Variants in PCDH15 observed in about 807,000 individuals in gnomAD.
The protein encoded by PCDH15 is protocadherin related 15, also known as protocadherin-15.
Under a neutral mutation model 178.5 loss-of-function variants are expected in PCDH15, and 129 were observed. That is an observed-to-expected ratio of 0.72 (90% CI 0.63 to 0.84). The LOEUF (loss-of-function observed/expected upper bound fraction) is 0.84, where lower values mean the gene tolerates loss of function less well. Among genes scored for constraint, PCDH15 ranks in the 40% least tolerant of loss-of-function variants. The pLI is 0.00. For missense variants in PCDH15, 2,230 were observed against 2,099.9 expected, an observed-to-expected ratio of 1.06 and a Z score of -1.21; for synonymous variants, 800 against 732.0, an observed-to-expected ratio of 1.09 and a Z score of -1.50.
At chr10:54,191,797 T>G (rs1304006425) in intron 11 of PCDH15, among the ~76,000 whole-genome samples, 2 of 148,956 alleles carry the variant, frequency 1.3e-5, no homozygotes. Context: ...GGTACAAGCC[T>G]GTAATCCCAG....
At chr10:54,884,999 T>C (rs1050868070) in intron 3 of PCDH15, among the ~76,000 whole-genome samples, 5 of 152,138 alleles carry the variant, frequency 3.3e-5, no homozygotes, top group Non-Finnish European at 5.9e-5. Context: ...TTAATAATTA[T>C]ACATATAACA....
At chr10:53,988,384 C>T (rs1183766827) in intron 21 of PCDH15, among the ~76,000 whole-genome samples, 1 of 152,140 alleles carries the variant, frequency 6.6e-6, no homozygotes, top group African/African-American at 2.4e-5. Context: ...CAATTTTTCT[C>T]ATTCTATAGA....
intron 2 of PCDH15, among the ~76,000 whole-genome samples, chr10:55,358,992 G>A (rs1845150302): frequency 6.6e-6 from 1 of 152,026 alleles, no homozygotes; most frequent in Admixed American, 6.6e-5. Context: ...AGGACTTCAA[G>A]ACCAGCCTGA....
chr10:54,160,451 C>G (rs2045592685), intron 13 of PCDH15, among the ~76,000 whole-genome samples: 1 of 152,056 alleles, frequency 6.6e-6, no homozygotes, highest in Non-Finnish European at 1.5e-5. Context: ...AAGGTGAAAG[C>G]TACACTATGA....
At chr10:54,047,688 C>T (rs1445701779) in intron 18 of PCDH15, among the ~76,000 whole-genome samples, 1 of 152,002 alleles carries the variant, frequency 6.6e-6, no homozygotes, top group Non-Finnish European at 1.5e-5. Flanking sequence ...TCTGTCCCTG[C>T]ATTAATGTAC....
chr10:55,398,012 C>A (rs376201873), intron 2 of PCDH15, among the ~76,000 whole-genome samples: 10 of 152,112 alleles, frequency 6.6e-5, no homozygotes, highest in African/African-American at 2.2e-4. Context: ...TCTAATGCTC[C>A]CATTTGTAAA....
chr10:54,587,825 T>A lies in PCDH15; in HGVS notation c.92-59948A>T, dbSNP rs111786050. Among the ~76,000 whole-genome samples, 401 of 152,186 alleles carry A rather than the reference T, an allele frequency of 2.6e-3. 3 individuals carry two copies. The highest frequency in any genetic ancestry group is 0.013 in the Admixed American group (201 of 15,262). Reference sequence around the variant, plus strand: ...TATAGCAAACAAATGAAAATAATGATGCAAAAAATAATAATGTAAGATATG... The same window carrying A: ...TATAGCAAACAAATGAAAATAATGAAGCAAAAAATAATAATGTAAGATATG... On this transcript the variant is annotated intron_variant, in intron 2 of 37. Coordinates refer to ENST00000644397, the MANE Select transcript of PCDH15 (RefSeq NM_001384140.1).
At chr10:54,743,124 T>G (rs571323892) in intron 1 of PCDH15, among the ~76,000 whole-genome samples, 200 of 152,116 alleles carry the variant, frequency 1.3e-3, no homozygotes, top group African/African-American at 4.7e-3. Context: ...TGGATCCAGA[T>G]GATAAATGGA....
At chr10:54,062,234 AAAAAAAAAAAAAAAAAAAC>A (rs2094034757) in intron 18 of PCDH15, among the ~76,000 whole-genome samples, 1 of 92,014 alleles carries the variant, frequency 1.1e-5, no homozygotes, top group African/African-American at 3.1e-5. Flanking sequence ...TCTCAAAAAA[AAAAAAAAAAAAAAAAAAAC>A]AAAAAACAAC....
intron 13 of PCDH15, among the ~76,000 whole-genome samples, chr10:54,173,296 T>A (rs2047094719): frequency 6.6e-6 from 1 of 152,206 alleles, no homozygotes; most frequent in Non-Finnish European, 1.5e-5. Context: ...TCTTTATTTC[T>A]TATGATTTGG....
At chr10:54,470,653 C>A (rs1401405543) in intron 3 of PCDH15, among the ~76,000 whole-genome samples, 7 of 152,258 alleles carry the variant, frequency 4.6e-5, no homozygotes, top group Admixed American at 6.5e-5. Context: ...TTTCAGGAAT[C>A]TGCTGTGGAA....
chr10:55,353,485 G>T (rs1588946861), intron 2 of PCDH15, among the ~76,000 whole-genome samples: 1 of 151,972 alleles, frequency 6.6e-6, no homozygotes, highest in Non-Finnish European at 1.5e-5. Context: ...AAATTTGAGA[G>T]AAATTTTACA....
chr10:55,218,359 T>G (rs1244603999), intron 1 of PCDH15, among the ~76,000 whole-genome samples: 1 of 151,782 alleles, frequency 6.6e-6, no homozygotes, highest in Non-Finnish European at 1.5e-5. Flanking sequence ...AGGAAGCAGA[T>G]GAAAATAATA....
rs867444134 is a variant in PCDH15 at position 53,804,888 on chromosome 10, T to G, written c.*1691A>C. 24 of 152,074 alleles carry G rather than the reference T, an allele frequency of 1.6e-4. No homozygotes were observed. The highest frequency in any genetic ancestry group is 8.3e-4 in the South Asian group (4 of 4,824). 9.4% of individuals were successfully genotyped at this position (152,074 alleles called of 1,614,324 possible). On this transcript the variant is annotated 3_prime_UTR_variant, in exon 38 of 38. Coordinates refer to ENST00000644397, the MANE Select transcript of PCDH15 (RefSeq NM_001384140.1). ...GGCAGGCCAGGAGGTGTGGTCATGA[T>G]TCTACGTTTCTAATCTAGCTAATGC...
At chr10:55,443,667 C>G (rs1312410381) in intron 2 of PCDH15, among the ~76,000 whole-genome samples, 1 of 152,024 alleles carries the variant, frequency 6.6e-6, no homozygotes, top group Non-Finnish European at 1.5e-5. Flanking sequence ...GAAATAGGAA[C>G]CATTTTACAC....
chr10:54,578,688 A>T (rs1015643082), intron 2 of PCDH15, among the ~76,000 whole-genome samples: 1 of 152,098 alleles, frequency 6.6e-6, no homozygotes, highest in Non-Finnish European at 1.5e-5. Context: ...ATAAGAACTT[A>T]ATCTCACCCA....
chr10:53,824,715 T>C (rs1264560978), intron 32 of PCDH15, among the ~76,000 whole-genome samples: 1 of 152,150 alleles, frequency 6.6e-6, no homozygotes, highest in East Asian at 1.9e-4. Flanking sequence ...ATATACTGGT[T>C]GTTTTTGTAA....
chr10:55,000,735 A>T (rs956517296), intron 2 of PCDH15, among the ~76,000 whole-genome samples: 1 of 152,226 alleles, frequency 6.6e-6, no homozygotes, highest in African/African-American at 2.4e-5. Context: ...ATAAATGTCC[A>T]TGAAATCTTC....
chr10:53,913,459 C>T (rs1033026979), intron 25 of PCDH15, among the ~76,000 whole-genome samples: 47 of 151,910 alleles, frequency 3.1e-4, no homozygotes, highest in Middle Eastern at 3.4e-3. Flanking sequence ...TCTAGCCGGG[C>T]GCGGTGGCTC....
Sources: gnomAD v4.1 joint callset for allele counts (sites outside exome capture counted in the v4.1 genomes callset) on GRCh38, gnomAD v4.1.1 for gene constraint, MANE v1.5 for transcripts, NCBI Gene and HGNC (gene_info 2026-07-23, HGNC 2026-07-21) for gene names.